Variants in KLHL29 observed in about 807,000 individuals in gnomAD.
KLHL29 encodes kelch like family member 29.
In KLHL29, 21 loss-of-function variants were observed where a neutral mutation model predicts 80.4. The observed-to-expected ratio is 0.26, with a 90% CI of 0.19 to 0.38. The LOEUF (loss-of-function observed/expected upper bound fraction) is 0.38. Ranked by LOEUF, KLHL29 falls within the 10% of genes least tolerant of loss-of-function variation. The probability of loss-of-function intolerance (pLI) is 1.00; values close to 1 mark genes in which losing one functional copy is unlikely to be tolerated. For synonymous variants in KLHL29, 511 were observed against 526.8 expected, an observed-to-expected ratio of 0.97 and a Z score of 0.41; for missense variants, 867 against 1,223.9, an observed-to-expected ratio of 0.71 and a Z score of 4.35.
chr2:23,602,887 A>G (rs1078855), intron 3 of KLHL29, among the ~76,000 whole-genome samples: 62,324 of 152,078 alleles, frequency 0.41, 12,993 homozygotes, highest in East Asian at 0.64. Flanking sequence ...CAGTGAGATC[A>G]GGAAGCAGGA....
chr2:23,535,903 G>A (rs998463989), intron 2 of KLHL29, among the ~76,000 whole-genome samples: 2 of 152,136 alleles, frequency 1.3e-5, no homozygotes, highest in Admixed American at 6.5e-5. Context: ...TAAAATGGTC[G>A]GTTTTAGGTT....
chr2:23,533,839 G>A (rs896142894), intron 2 of KLHL29, among the ~76,000 whole-genome samples: 10 of 152,022 alleles, frequency 6.6e-5, no homozygotes, highest in African/African-American at 2.4e-4. Flanking sequence ...CCCGGTTTGG[G>A]CTATTTTGTA....
intron 1 of KLHL29, among the ~76,000 whole-genome samples, chr2:23,395,612 G>A (rs572536680): frequency 3.9e-5 from 6 of 152,278 alleles, no homozygotes; most frequent in East Asian, 1.9e-4. Flanking sequence ...AGGCGTGGTG[G>A]CATGCGCCTG....
At chr2:23,673,195 GT>G (rs1462849514) in intron 5 of KLHL29, among the ~76,000 whole-genome samples, 1 of 143,580 alleles carries the variant, frequency 7.0e-6, no homozygotes, top group Non-Finnish European at 1.5e-5. Flanking sequence ...GCCACATGCT[GT>G]CTCACACACA....
rs1672792560 is a variant in KLHL29 at position 23,707,291 on chromosome 2, T to G, written c.*627T>G. The stretch of plus-strand genomic sequence containing the variant: ...GACAGCGGTCTGTCCTTCACAGGTT[T>G]TTCTACTGTGTTTTTGCTGGAGAAG... On this transcript the variant is annotated 3_prime_UTR_variant, in exon 14 of 14. Coordinates refer to ENST00000486442, the MANE Select transcript of KLHL29 (RefSeq NM_052920.2). 6.6e-6 allele frequency: 1 copy of G among 152,184 alleles called. No individual in the cohort carries two copies. The highest frequency in any genetic ancestry group is 2.1e-4 in the South Asian group (1 of 4,828). The allele number at this position is 152,184 out of a possible 1,614,324, so 9.4% of individuals were successfully genotyped here.
At chr2:23,488,498 C>T (rs1365877779) in intron 2 of KLHL29, among the ~76,000 whole-genome samples, 2 of 152,222 alleles carry the variant, frequency 1.3e-5, no homozygotes, top group Non-Finnish European at 2.9e-5. Context: ...AGAATGAGAC[C>T]GTGACCCAGC....
chr2:23,456,301 A>G (rs1339620750), intron 1 of KLHL29, among the ~76,000 whole-genome samples: 1 of 152,196 alleles, frequency 6.6e-6, no homozygotes, highest in Non-Finnish European at 1.5e-5. Flanking sequence ...CCTTGGTGCA[A>G]TGGGGCAGTG....
chr2:23,597,137 G>A (rs1668426028), intron 3 of KLHL29, among the ~76,000 whole-genome samples: 1 of 151,766 alleles, frequency 6.6e-6, no homozygotes, highest in South Asian at 2.1e-4. Flanking sequence ...GTACAATTAG[G>A]CAGGCATTTG....
intron 2 of KLHL29, among the ~76,000 whole-genome samples, chr2:23,529,566 G>A (rs1002113538): frequency 6.6e-6 from 1 of 152,044 alleles, no homozygotes; most frequent in African/African-American, 2.4e-5. Flanking sequence ...CCCCACCTCA[G>A]CCCCTGTTGC....
intron 1 of KLHL29, among the ~76,000 whole-genome samples, chr2:23,425,972 T>C (rs1184723910): frequency 6.6e-6 from 1 of 152,180 alleles, no homozygotes; most frequent in Non-Finnish European, 1.5e-5. Flanking sequence ...CAGGCTCCCA[T>C]GTGTGCATTC....
chr2:23,601,531 T>C (rs558859941), intron 3 of KLHL29, among the ~76,000 whole-genome samples: 232 of 152,342 alleles, frequency 1.5e-3, no homozygotes, highest in African/African-American at 5.5e-3. Context: ...TTTGGAAGCC[T>C]TGCTCATGAT....
At chr2:23,699,357 C>T (rs561441878) in intron 11 of KLHL29, among the ~76,000 whole-genome samples, 4 of 152,310 alleles carry the variant, frequency 2.6e-5, no homozygotes, top group Non-Finnish European at 4.4e-5. Flanking sequence ...AGGCACTCAC[C>T]GAACAGTGAG....
chr2:23,597,397 ATATATATATATTTTTT>A lies in KLHL29; in HGVS notation c.285+34918_285+34933del, dbSNP rs1466259011. On this transcript the variant is annotated intron_variant, in intron 3 of 13. Transcript: ENST00000486442. ...TGTGTGTGTGTGTATATATATATATATATATATATATTTTTTTTTTTTTTTTTTTTTTTTTTTTTTT... is the reference window on the plus strand; with the variant it reads ...TGTGTGTGTGTGTATATATATATATATTTTTTTTTTTTTTTTTTTTTTTTT... Among the ~76,000 whole-genome samples, 233 of 90,204 alleles carry A rather than the reference ATATATATATATTTTTT, an allele frequency of 2.6e-3. 7 individuals carry two copies. The highest frequency in any genetic ancestry group is 4.0e-3 in the Non-Finnish European group (196 of 49,290). 59.2% of individuals were successfully genotyped at this position (90,204 alleles called of 152,430 possible).
intron 5 of KLHL29, among the ~76,000 whole-genome samples, chr2:23,673,275 C>G (rs1223712920): frequency 6.6e-6 from 1 of 150,676 alleles, no homozygotes; most frequent in African/African-American, 2.4e-5. Flanking sequence ...CACAAGAGGA[C>G]ACACTCCCAC....
chr2:23,462,306 T>G (rs1181846637), intron 1 of KLHL29, among the ~76,000 whole-genome samples: 1 of 152,174 alleles, frequency 6.6e-6, no homozygotes, highest in Non-Finnish European at 1.5e-5. Context: ...GGGAGCTCCC[T>G]CCTGAGAGGA....
At chr2:23,622,478 T>A (rs1463358196) in intron 3 of KLHL29, among the ~76,000 whole-genome samples, 1 of 152,204 alleles carries the variant, frequency 6.6e-6, no homozygotes, top group African/African-American at 2.4e-5. Flanking sequence ...TCCTACCTAA[T>A]CACAAAGGAT....
At chr2:23,532,022 G>A (rs1050430806) in intron 2 of KLHL29, among the ~76,000 whole-genome samples, 12 of 152,186 alleles carry the variant, frequency 7.9e-5, no homozygotes, top group Admixed American at 5.9e-4. Context: ...AAGCCTCGAC[G>A]GCCCTTGACC....
At chr2:23,506,299 C>T (rs56119235) in intron 2 of KLHL29, among the ~76,000 whole-genome samples, 15 of 152,304 alleles carry the variant, frequency 9.8e-5, no homozygotes, top group African/African-American at 3.4e-4. Context: ...CACAGGAAGG[C>T]TTATGGCCTG....
At chr2:23,472,173 AAAAT>A (rs1456727037) in intron 1 of KLHL29, among the ~76,000 whole-genome samples, 1 of 152,222 alleles carries the variant, frequency 6.6e-6, no homozygotes, top group Non-Finnish European at 1.5e-5. Flanking sequence ...AAGATGTGAA[AAAAT>A]AAATAAAATC....
Sources: allele counts gnomAD v4.1 joint callset (sites outside exome capture counted in the v4.1 genomes callset), GRCh38; gene constraint gnomAD v4.1.1; transcripts MANE v1.5; gene names NCBI Gene and HGNC (gene_info 2026-07-23, HGNC 2026-07-21).